Variants in NTRK3 observed in about 807,000 individuals in gnomAD.
NTRK3 encodes the protein NT-3 growth factor receptor.
In NTRK3, 24 loss-of-function variants were observed where a neutral mutation model predicts 91.7. That is an observed-to-expected ratio of 0.26 (90% CI 0.19 to 0.37). NTRK3 has a LOEUF of 0.37. Ranked by LOEUF, NTRK3 falls within the 10% of genes least tolerant of loss-of-function variation. NTRK3 has a pLI of 1.00. For missense variants in NTRK3, 880 were observed against 1,068.9 expected, an observed-to-expected ratio of 0.82 and a Z score of 2.46; for synonymous variants, 483 against 404.0, an observed-to-expected ratio of 1.20 and a Z score of -2.34.
intron 17 of NTRK3, among the ~76,000 whole-genome samples, chr15:87,921,967 C>T (rs957127393): frequency 1.3e-5 from 2 of 151,996 alleles, no homozygotes; most frequent in African/African-American, 2.4e-5. Flanking sequence ...TTATAATCTT[C>T]ATCTGCCTGG....
chr15:88,021,748 T>C (rs2077609447), intron 14 of NTRK3, among the ~76,000 whole-genome samples: 1 of 152,130 alleles, frequency 6.6e-6, no homozygotes, highest in African/African-American at 2.4e-5. Flanking sequence ...CCATCAACAA[T>C]ATAGTGCAAG....
intron 14 of NTRK3, among the ~76,000 whole-genome samples, chr15:88,022,716 A>G (rs909000160): frequency 1.3e-5 from 2 of 152,162 alleles, no homozygotes; most frequent in Admixed American, 6.5e-5. Context: ...CATTACTCCA[A>G]GCTGGCTGGG....
exon 19 of NTRK3, chr15:87,871,331 C>T (rs2064823246): frequency 4.3e-6 from 1 of 231,210 alleles, no homozygotes; most frequent in African/African-American, 2.2e-5. Context: ...GTAGGGCAGC[C>T]CATGCTCAGA....
chr15:87,952,605 C>T (rs1052983091), intron 14 of NTRK3, among the ~76,000 whole-genome samples: 4 of 152,234 alleles, frequency 2.6e-5, no homozygotes, highest in Non-Finnish European at 5.9e-5. Context: ...GTTATCTTGG[C>T]CGCCGGCTCA....
At chr15:87,877,006 T>C in exon 19 of NTRK3, 1 of 1,613,932 alleles carries the variant, frequency 6.2e-7, no homozygotes, top group Non-Finnish European at 8.5e-7. Context: ...ATCTCCTTGA[T>C]GTTCAACCGC....
At chr15:88,228,842 C>T (rs577782905) in intron 3 of NTRK3, among the ~76,000 whole-genome samples, 12 of 152,238 alleles carry the variant, frequency 7.9e-5, no homozygotes, top group African/African-American at 2.6e-4. Flanking sequence ...AGATTGAAAG[C>T]CACATGTTCA....
intron 14 of NTRK3, among the ~76,000 whole-genome samples, chr15:88,027,157 C>T (rs2078107342): frequency 6.6e-6 from 1 of 151,954 alleles, no homozygotes; most frequent in African/African-American, 2.4e-5. Flanking sequence ...CTGGAGGTAG[C>T]GGGTCTGAGT....
intron 14 of NTRK3, among the ~76,000 whole-genome samples, chr15:87,990,672 C>G (rs932764483): frequency 3.3e-5 from 5 of 152,130 alleles, no homozygotes; most frequent in Admixed American, 2.0e-4. Flanking sequence ...AATATTATCT[C>G]CAACTTCCTT....
chr15:88,185,793 G>T (rs1370588009), intron 3 of NTRK3, among the ~76,000 whole-genome samples: 2 of 152,202 alleles, frequency 1.3e-5, no homozygotes, highest in Non-Finnish European at 2.9e-5. Flanking sequence ...TCGAGTCAGA[G>T]CCAGCAAGGC....
chr15:87,873,358 T>G (rs1363768589), exon 19 of NTRK3: 4 of 228,752 alleles, frequency 1.7e-5, no homozygotes, highest in Admixed American at 5.7e-5. Context: ...TTCAGGGATA[T>G]CATTAGAGGG....
intron 5 of NTRK3, among the ~76,000 whole-genome samples, chr15:88,154,683 T>C (rs917877856): frequency 2.0e-5 from 3 of 152,246 alleles, no homozygotes; most frequent in Non-Finnish European, 4.4e-5. Context: ...CAACTTTTTC[T>C]GTGCAGCCTG....
intron 17 of NTRK3, among the ~76,000 whole-genome samples, chr15:87,889,637 G>A (rs55655801): frequency 6.6e-6 from 1 of 151,990 alleles, no homozygotes; most frequent in Middle Eastern, 3.2e-3. Flanking sequence ...TTACAGAAGA[G>A]ATCACCTTAA....
At chr15:88,009,155 G>A (rs541991176) in intron 14 of NTRK3, among the ~76,000 whole-genome samples, 92 of 152,174 alleles carry the variant, frequency 6.0e-4, no homozygotes, top group Non-Finnish European at 1.1e-3. Flanking sequence ...TGACATATCA[G>A]GGACATTAAT....
chr15:88,192,120 T>C (rs2047454288), intron 3 of NTRK3, among the ~76,000 whole-genome samples: 2 of 152,220 alleles, frequency 1.3e-5, no homozygotes, highest in African/African-American at 4.8e-5. Flanking sequence ...TGTGCTGGCT[T>C]CCTGATCAAT....
intron 14 of NTRK3, among the ~76,000 whole-genome samples, chr15:87,967,104 A>C (rs2072862763): frequency 6.6e-6 from 1 of 152,212 alleles, no homozygotes; most frequent in African/African-American, 2.4e-5. Context: ...TGTGGCACAG[A>C]GTGGATGCCC....
intron 18 of NTRK3, among the ~76,000 whole-genome samples, chr15:87,878,906 GGT>G (rs34029623): frequency 0.15 from 20,668 of 141,588 alleles, 1,521 homozygotes; most frequent in African/African-American, 0.18. Flanking sequence ...GTGCATGCAT[GGT>G]GTGTGTGTGT....
rs199594459 is a variant in NTRK3, at chr15:88,055,378, A to AT, written c.1397-22334dup. Among the ~76,000 whole-genome samples, 77 of 152,300 alleles carry AT rather than the reference A, an allele frequency of 5.1e-4. 1 individual carries two copies. In the East Asian group the frequency reaches 0.014, roughly 28 times the overall value. ...GTTCTAGGAGAAAAAGCACTTCCCA[A>AT]TTTTTGGACTGGACTCAAACTCAGA... On this transcript the variant is annotated intron_variant, in intron 13 of 18. Coordinates refer to ENST00000394480, the Ensembl canonical transcript of NTRK3.
At chr15:88,150,885 T>C (rs757121082) in intron 5 of NTRK3, among the ~76,000 whole-genome samples, 5 of 152,182 alleles carry the variant, frequency 3.3e-5, no homozygotes, top group Non-Finnish European at 7.3e-5. Context: ...CAAGCTTCTG[T>C]ATGAGTTGCC....
intron 3 of NTRK3, among the ~76,000 whole-genome samples, chr15:88,206,849 C>A (rs1378976480): frequency 3.9e-5 from 6 of 152,152 alleles, no homozygotes; most frequent in Non-Finnish European, 7.4e-5. Flanking sequence ...GGAGGCCCCA[C>A]GCAGGGCCTT....
Sources: allele counts gnomAD v4.1 joint callset (sites outside exome capture counted in the v4.1 genomes callset), GRCh38; gene constraint gnomAD v4.1.1; transcripts MANE v1.5; gene names NCBI Gene and HGNC (gene_info 2026-07-23, HGNC 2026-07-21).